PCDHGB1: variants seen among roughly 807,000 people sequenced by gnomAD.
PCDHGB1 encodes the protein protocadherin gamma subfamily B, 1, also known as protocadherin gamma-B1.
A neutral mutation model predicts 56.6 loss-of-function variants in PCDHGB1; 34 were observed. That is an observed-to-expected ratio of 0.60 (90% confidence interval 0.46 to 0.80). The LOEUF is 0.80. Ranked by LOEUF, PCDHGB1 falls within the 30% of genes least tolerant of loss-of-function variation. The probability of loss-of-function intolerance (pLI) is 0.00; values close to 1 mark genes in which losing one functional copy is unlikely to be tolerated. For missense variants in PCDHGB1, 1,278 were observed against 1,204.6 expected (o/e 1.06, Z -0.90); for synonymous variants, 561 against 505.9 (o/e 1.11, Z -1.46).
Position 141,384,136 on chromosome 5 carries a change from G to A in PCDHGB1, c.2409+31467G>A. ...GGTCACAACCAAAAACTTGGACCGG[G>A]AAACACTCTCTTTGTATAACATCAC... is the stretch of plus-strand genomic sequence containing the variant. On this transcript the variant is annotated intron_variant, in intron 1 of 3. Coordinates refer to ENST00000523390, the MANE Select transcript of PCDHGB1 (RefSeq NM_018922.3). The A allele has an allele frequency of 1.9e-6, 3 of 1,612,410 alleles. No individual in the cohort carries two copies. In the South Asian group the frequency reaches 3.3e-5, roughly 18 times the overall value.
chr5:141,383,462 A>G (rs2072315), intron 1 of PCDHGB1: 731,761 of 1,613,122 alleles, frequency 0.45, 173,214 homozygotes, highest in African/African-American at 0.81. Flanking sequence ...GGAGACGATG[A>G]AACTAAGTAC....
chr5:141,511,215 A>G lies in PCDHGB1; in HGVS notation c.*42A>G, dbSNP rs1562250541. On this transcript the variant is annotated 3_prime_UTR_variant, in exon 4 of 4. Coordinates refer to ENST00000523390, the MANE Select transcript of PCDHGB1 (RefSeq NM_018922.3). ...AGAGCCACAGGGCGGCCTCTCCCCA[A>G]CCAGCCCAGCTTCTCCTTACCTGCA... The G allele has an allele frequency of 1.2e-6, 2 of 1,608,380 alleles. No individual in the cohort carries two copies. The highest frequency in any genetic ancestry group is 2.2e-5 in the East Asian group (1 of 44,560).
In PCDHGB1 at chr5:141,490,291, C is replaced by T; in HGVS notation, c.2410-4516C>T. 6.2e-7 allele frequency: 1 copy of T among 1,614,212 alleles called. No homozygotes were observed. Among genetic ancestry groups the T allele is most frequent in the Non-Finnish European group, 8.5e-7 (1 of 1,180,048 alleles). On this transcript the variant is annotated intron_variant, in intron 1 of 3. Transcript: ENST00000523390. The surrounding 1 kb of genome is among the most constrained non-coding windows in gnomAD (Gnocchi z 5.4). ...TGTCAATGACAATGCCCCAGAGGTG[C>T]TATTGGCCTCTTTGGCCAACCCTGT...
intron 1 of PCDHGB1, chr5:141,393,109 G>C (rs2092681202): frequency 1.2e-6 from 2 of 1,613,430 alleles, no homozygotes; most frequent in Non-Finnish European, 1.7e-6. Context: ...TGCGCTCAGA[G>C]CCCGCGGTGT....
rs747671382 is a variant in PCDHGB1 at position 141,444,152 on chromosome 5, A to ATTTTTT, written c.2410-50624_2410-50619dup. ...GATATGTGTCACTTGTGTGTACTGG[A>ATTTTTT]TTTTTTTTTTTTTTTTTTTTTTTTT... On this transcript the variant is annotated intron_variant, in intron 1 of 3. Coordinates refer to ENST00000523390, the MANE Select transcript of PCDHGB1 (RefSeq NM_018922.3). Among the ~76,000 whole-genome samples the ATTTTTT allele has an allele frequency of 3.5e-4, 12 of 33,898 alleles. 1 individual carries two copies. Among genetic ancestry groups the ATTTTTT allele is most frequent in the African/African-American group, 4.2e-4 (3 of 7,184 alleles). The allele number at this position is 33,898 out of a possible 152,430, so 22.2% of individuals were successfully genotyped here.
chr5:141,475,862 T>G, intron 1 of PCDHGB1: 1 of 492,756 alleles, frequency 2.0e-6, no homozygotes, highest in Non-Finnish European at 3.6e-6. Context: ...GCTAGCTCAT[T>G]CTTCGTGCAG....
chr5:141,426,898 C>G (rs1246109323), intron 1 of PCDHGB1: 3 of 456,634 alleles, frequency 6.6e-6, no homozygotes, highest in Admixed American at 4.7e-5. Context: ...CAACAGAGCT[C>G]TCATCTCCTG....
chr5:141,351,459 T>C lies in PCDHGB1; in HGVS notation c.1199T>C (p.Leu400Pro), dbSNP rs770562462. Residue 400 changes from leucine (L) to proline (P), a missense_variant, in exon 1 of 4, where the codon CTG (leucine) becomes CCG (proline). By Grantham distance (98) the Leu-to-Pro change is moderately conservative (BLOSUM62 -3). Coordinates refer to ENST00000523390, the MANE Select transcript of PCDHGB1 (RefSeq NM_018922.3). ...LESTSKNYYK[L>P]VIAGALNREQ... ...TCCACCTCGAAGAATTATTACAAGC[T>C]GGTGATTGCTGGAGCCCTAAACCGG... 17 of 1,613,546 alleles carry C rather than the reference T, an allele frequency of 1.1e-5. No individual in the cohort carries two copies. In the South Asian group the frequency reaches 1.9e-4, roughly 18 times the overall value.
At chr5:141,424,832 A>G (rs2096843522) in intron 1 of PCDHGB1, among the ~76,000 whole-genome samples, 1 of 152,174 alleles carries the variant, frequency 6.6e-6, no homozygotes. Context: ...TGCCTGACAT[A>G]CATGTTATCT....
chr5:141,366,210 G>T (rs374658125), intron 1 of PCDHGB1: 73 of 1,613,682 alleles, frequency 4.5e-5, no homozygotes, highest in Non-Finnish European at 6.2e-5. Context: ...GGCGAGGTGC[G>T]CACAGCGCGA....
intron 1 of PCDHGB1, chr5:141,398,815 A>G (rs1369560562): frequency 6.2e-7 from 1 of 1,613,870 alleles, no homozygotes; most frequent in East Asian, 2.2e-5. Context: ...TGAGCTCCGG[A>G]TCCAGGTAAC....
In PCDHGB1 at chr5:141,489,210, G is replaced by A; in HGVS notation, c.2410-5597G>A. ...TCTACCTTGGAGACAGGACAGCACAGACTTACTCTCCACAAAGGGACTTCT... is the reference window on the plus strand; with the variant it reads ...TCTACCTTGGAGACAGGACAGCACAAACTTACTCTCCACAAAGGGACTTCT... On this transcript the variant is annotated intron_variant, in intron 1 of 3. Coordinates refer to ENST00000523390, the MANE Select transcript of PCDHGB1 (RefSeq NM_018922.3). The surrounding 1 kb of genome is among the most constrained non-coding windows in gnomAD (Gnocchi z 4.5). 6 of 1,461,860 alleles carry A rather than the reference G, an allele frequency of 4.1e-6. No homozygotes were observed. Among genetic ancestry groups the A allele is most frequent in the Non-Finnish European group, 5.6e-6 (6 of 1,080,904 alleles). 90.6% of individuals were successfully genotyped at this position (1,461,860 alleles called of 1,614,324 possible). A position where few individuals can be genotyped will look rare whatever the true frequency, so the allele number is the denominator to read the frequency against.
chr5:141,404,075 G>C (rs2154534954), intron 1 of PCDHGB1: 2 of 1,613,660 alleles, frequency 1.2e-6, no homozygotes, highest in East Asian at 2.2e-5. Flanking sequence ...TCATGACCGA[G>C]ACTCCGGGAA....
chr5:141,428,031 G>A (rs760882803), intron 1 of PCDHGB1: 6 of 1,607,376 alleles, frequency 3.7e-6, no homozygotes, highest in South Asian at 3.3e-5. Context: ...CGCAGAGTCC[G>A]GCTACCTGGT....
chr5:141,389,211 G>A, intron 1 of PCDHGB1: 2 of 1,614,058 alleles, frequency 1.2e-6, no homozygotes, highest in South Asian at 2.2e-5. Flanking sequence ...CATTGGTGAT[G>A]TAAATGACAA....
chr5:141,357,319 T>C, intron 1 of PCDHGB1: 6 of 1,614,060 alleles, frequency 3.7e-6, no homozygotes, highest in Non-Finnish European at 5.1e-6. Context: ...CTTCCTGGCT[T>C]TTGTCACGGT....
chr5:141,449,075 T>C (rs1452456191), intron 1 of PCDHGB1, among the ~76,000 whole-genome samples: 3 of 152,240 alleles, frequency 2.0e-5, no homozygotes, highest in African/African-American at 7.2e-5. Context: ...AATAGCCCTG[T>C]ACCTACATCA....
chr5:141,350,784 T>A lies in PCDHGB1; in HGVS notation c.524T>A (p.Phe175Tyr), dbSNP rs1561498371. The A allele has an allele frequency of 1.2e-6, 2 of 1,613,248 alleles. No homozygotes were observed. The highest frequency in any genetic ancestry group is 1.7e-6 in the Non-Finnish European group (2 of 1,179,772). ...KLYTINPNQYFSLSTKESPDG... is the reference protein window; with the variant it reads ...KLYTINPNQYYSLSTKESPDG... ...TACACCATCAACCCCAATCAATACTTCTCTCTGTCAACGAAGGAAAGTCCT... is the reference window on the plus strand; with the variant it reads ...TACACCATCAACCCCAATCAATACTACTCTCTGTCAACGAAGGAAAGTCCT... Residue 175 changes from phenylalanine to tyrosine, a missense_variant, in exon 1 of 4, where the codon TTC (phenylalanine) becomes TAC (tyrosine). Transcript: ENST00000523390.
At chr5:141,374,573 A>G in intron 1 of PCDHGB1, 1 of 1,613,740 alleles carries the variant, frequency 6.2e-7, no homozygotes, top group Non-Finnish European at 8.5e-7. Context: ...TGATGTGGGA[A>G]TGAACTCCCT....
Sources: gnomAD v4.1 joint callset for allele counts (sites outside exome capture counted in the v4.1 genomes callset) on GRCh38, gnomAD v4.1.1 for gene constraint, Gnocchi (gnomAD v3.1) non-coding constraint, MANE v1.5 for transcripts, NCBI Gene and HGNC (gene_info 2026-07-23, HGNC 2026-07-21) for gene names.